NCKAP5: variants seen among roughly 807,000 people sequenced by gnomAD.
NCKAP5 encodes nck-associated protein 5.
NCKAP5 carries 92 observed loss-of-function variants against 167.0 expected under a neutral mutation model. That is an observed-to-expected ratio of 0.55 (90% CI 0.47 to 0.66). The LOEUF is 0.66. Ranked by LOEUF, NCKAP5 falls within the 30% of genes least tolerant of loss-of-function variation. The probability of loss-of-function intolerance (pLI) is 0.00; values close to 1 mark genes in which losing one functional copy is unlikely to be tolerated. For synonymous variants in NCKAP5, 891 were observed against 877.4 expected, an observed-to-expected ratio of 1.02 and a Z score of -0.27; for missense variants, 2,378 against 2,315.0, an observed-to-expected ratio of 1.03 and a Z score of -0.56.
chr2:133,340,430 C>T (rs1355786631), intron 3 of NCKAP5, among the ~76,000 whole-genome samples: 1 of 152,126 alleles, frequency 6.6e-6, no homozygotes, highest in African/African-American at 2.4e-5. Context: ...AAGACTTAGC[C>T]TTCTTTTCTT....
chr2:133,439,277 G>A (rs1378825778), intron 3 of NCKAP5, among the ~76,000 whole-genome samples: 1 of 152,184 alleles, frequency 6.6e-6, no homozygotes, highest in African/African-American at 2.4e-5. Context: ...AATGGAAAGG[G>A]TGAGCCTAAT....
At chr2:133,537,929 G>A (rs188851322) in intron 2 of NCKAP5, among the ~76,000 whole-genome samples, 165 of 152,248 alleles carry the variant, frequency 1.1e-3, no homozygotes, top group African/African-American at 3.8e-3. Context: ...CACATTTGCT[G>A]ACAATGCATG....
intron 3 of NCKAP5, among the ~76,000 whole-genome samples, chr2:133,482,992 C>T (rs1680588121): frequency 2.0e-5 from 3 of 152,046 alleles, no homozygotes; most frequent in Admixed American, 2.0e-4. Context: ...CATTGTTTGC[C>T]CACTAAATCA....
chr2:133,132,338 TC>T (rs1180038416), intron 5 of NCKAP5, among the ~76,000 whole-genome samples: 2 of 151,310 alleles, frequency 1.3e-5, no homozygotes, highest in Non-Finnish European at 2.9e-5. Context: ...CATCCCTCCT[TC>T]CTTCAAAAGC....
At chr2:133,298,990 C>A (rs1476823757) in intron 4 of NCKAP5, among the ~76,000 whole-genome samples, 2 of 151,804 alleles carry the variant, frequency 1.3e-5, no homozygotes, top group Non-Finnish European at 2.9e-5. Flanking sequence ...AACAAACCTG[C>A]ACGTTGTGCA....
intron 19 of NCKAP5, among the ~76,000 whole-genome samples, chr2:132,674,332 G>T (rs1449029858): frequency 6.6e-6 from 1 of 152,190 alleles, no homozygotes; most frequent in Non-Finnish European, 1.5e-5. Context: ...TAAAGAGAAG[G>T]TATGCAAGGC....
intron 16 of NCKAP5, among the ~76,000 whole-genome samples, chr2:132,740,154 T>A (rs1467786055): frequency 2.6e-5 from 4 of 152,176 alleles, no homozygotes; most frequent in African/African-American, 9.6e-5. Context: ...TCAAACTTTT[T>A]CACTTTGAAA....
upstream of NCKAP5, among the ~76,000 whole-genome samples, chr2:133,570,462 C>T (rs1236004177): frequency 6.6e-6 from 1 of 152,102 alleles, no homozygotes; most frequent in East Asian, 1.9e-4. Flanking sequence ...TCCCAGGATG[C>T]AATGGTATGT....
intron 3 of NCKAP5, among the ~76,000 whole-genome samples, chr2:133,310,354 T>G (rs1681146802): frequency 6.6e-6 from 1 of 152,240 alleles, no homozygotes; most frequent in African/African-American, 2.4e-5. Flanking sequence ...CTTGAATTCC[T>G]CTTTCCCATT....
intron 4 of NCKAP5, among the ~76,000 whole-genome samples, chr2:133,254,301 G>A (rs2088506637): frequency 2.0e-5 from 3 of 152,204 alleles, no homozygotes; most frequent in Admixed American, 6.5e-5. Context: ...AGCATGTGGA[G>A]AGATGATATG....
intron 19 of NCKAP5, among the ~76,000 whole-genome samples, chr2:132,709,178 T>TA (rs1215427768): frequency 6.6e-6 from 1 of 151,650 alleles, no homozygotes; most frequent in Non-Finnish European, 1.5e-5. Context: ...CAAGTGAATT[T>TA]AAAAAAAAGT....
chr2:133,398,199 A>T (rs900143494), intron 3 of NCKAP5, among the ~76,000 whole-genome samples: 5 of 152,180 alleles, frequency 3.3e-5, no homozygotes, highest in African/African-American at 1.2e-4. Context: ...ATCATCTAGA[A>T]GATCAACTCA....
At chr2:133,192,908 A>T (rs2085289407) in intron 5 of NCKAP5, among the ~76,000 whole-genome samples, 2 of 152,098 alleles carry the variant, frequency 1.3e-5, no homozygotes, top group Admixed American at 1.3e-4. Flanking sequence ...ATCTCAGAGA[A>T]ATGAAAACTT....
chr2:132,675,841 T>TAA (rs554167462), intron 19 of NCKAP5, among the ~76,000 whole-genome samples: 16 of 140,720 alleles, frequency 1.1e-4, no homozygotes, highest in African/African-American at 3.1e-4. Flanking sequence ...GACCATTATT[T>TAA]AAAAAAAAAA....
At chr2:133,129,548 A>G (rs1412729510) in intron 6 of NCKAP5, among the ~76,000 whole-genome samples, 1 of 152,234 alleles carries the variant, frequency 6.6e-6, no homozygotes, top group Non-Finnish European at 1.5e-5. Flanking sequence ...TAGTGCCTCA[A>G]TAAACATACG....
chr2:132,948,984 C>G (rs2076089013), intron 8 of NCKAP5, among the ~76,000 whole-genome samples: 1 of 135,106 alleles, frequency 7.4e-6, no homozygotes, highest in Admixed American at 8.4e-5. Flanking sequence ...AACTCAGAAG[C>G]AACAAAGATC....
intron 19 of NCKAP5, among the ~76,000 whole-genome samples, chr2:132,717,693 T>G (rs1012983450): frequency 6.6e-6 from 1 of 152,234 alleles, no homozygotes; most frequent in Non-Finnish European, 1.5e-5. Context: ...GTTTTTCTAA[T>G]TACTGCAAAA....
Position 133,466,732 on chromosome 2 carries a change from T to C in NCKAP5, c.69+50726A>G, listed in dbSNP as rs775867646. 1.6e-4 allele frequency among the ~76,000 whole-genome samples: 25 copies of C among 152,302 alleles called. No individual in the cohort carries two copies. In the Middle Eastern group the frequency reaches 0.034, roughly 207 times the overall value. Reference sequence around the variant, plus strand: ...CCTGGAAGAAGTCCTTCACATCCCTTGTAAGTTGGATTCCTAGGTATTTTA... The same window carrying C: ...CCTGGAAGAAGTCCTTCACATCCCTCGTAAGTTGGATTCCTAGGTATTTTA... On this transcript the variant is annotated intron_variant, in intron 3 of 19. Transcript: ENST00000409261.
chr2:132,813,304 C>A (rs1686023803), intron 11 of NCKAP5, among the ~76,000 whole-genome samples: 1 of 152,190 alleles, frequency 6.6e-6, no homozygotes, highest in Non-Finnish European at 1.5e-5. Flanking sequence ...ATGCTTTCCT[C>A]TACTCCTTTG....
Sources: gnomAD v4.1 joint callset for allele counts (sites outside exome capture counted in the v4.1 genomes callset) on GRCh38, gnomAD v4.1.1 for gene constraint, MANE v1.5 for transcripts, NCBI Gene and HGNC (gene_info 2026-07-23, HGNC 2026-07-21) for gene names.